The following HDAC3 variants were observed in gnomAD, a reference collection of about 807,000 sequenced individuals.
HDAC3 encodes histone deacetylase 3, also known as SMAP45.
In HDAC3, 21 loss-of-function variants were observed where a neutral mutation model predicts 62.3. That is an observed-to-expected ratio of 0.34 (90% CI 0.24 to 0.49). The LOEUF (loss-of-function observed/expected upper bound fraction) is 0.49. Among genes scored for constraint, HDAC3 ranks in the 20% least tolerant of loss-of-function variants. The pLI, the probability that HDAC3 is intolerant of heterozygous loss-of-function variation, is 0.99. For missense variants in HDAC3, 270 were observed against 556.9 expected (o/e 0.48, Z 5.19); for synonymous variants, 198 against 206.5 (o/e 0.96, Z 0.35).
At chr5:141,633,825 C>CAAAAA (rs11291105) in intron 3 of HDAC3, among the ~76,000 whole-genome samples, 7 of 74,004 alleles carry the variant, frequency 9.5e-5, no homozygotes, top group Non-Finnish European at 1.6e-4. Flanking sequence ...GACTCTGTCT[C>CAAAAA]AAAAAAAAAA....
chr5:141,634,651 A>G (rs2099905715), intron 3 of HDAC3, among the ~76,000 whole-genome samples, 160 bp downstream of exon 3: 1 of 152,228 alleles, frequency 6.6e-6, no homozygotes, highest in African/African-American at 2.4e-5. Flanking sequence ...GCCTGCCTAG[A>G]ACAAGTGACC....
intron 3 of HDAC3, among the ~76,000 whole-genome samples, chr5:141,632,863 TG>T (rs2099905424): frequency 6.6e-6 from 1 of 152,186 alleles, no homozygotes; most frequent in Admixed American, 6.5e-5. Context: ...AAGGTGCCAA[TG>T]CCAGCCTAAT....
At position 141,628,349 on chromosome 5, in the gene HDAC3, T is replaced by A; in HGVS notation, c.692-162A>T. On this transcript the variant is annotated intron_variant, in intron 8 of 14. Coordinates refer to ENST00000305264, the MANE Select transcript of HDAC3 (RefSeq NM_003883.4). This position sits in a 1 kb window ranked among gnomAD's most constrained non-coding sequence, Gnocchi z 4.7. ...TTCTGGAAGGGATCCCAGACTGCTA[T>A]GAGTGACTGATGAAAGCCAATGACT... 2 of 725,474 alleles carry A rather than the reference T, an allele frequency of 2.8e-6. No homozygotes were observed. The highest frequency in any genetic ancestry group is 2.7e-5 in the East Asian group (1 of 37,344). The allele number at this position is 725,474 out of a possible 1,614,324, so 44.9% of individuals were successfully genotyped here. A position where few individuals can be genotyped will look rare whatever the true frequency, so the allele number is the denominator to read the frequency against.
chr5:141,622,994 C>A (rs1596431536), intron 14 of HDAC3, among the ~76,000 whole-genome samples: 1 of 151,946 alleles, frequency 6.6e-6, no homozygotes, highest in African/African-American at 2.4e-5. Context: ...CGTGGAGGCT[C>A]ATGCCTGTAA....
intron 3 of HDAC3, among the ~76,000 whole-genome samples, chr5:141,631,342 T>C (rs1383460361): frequency 6.6e-6 from 1 of 152,204 alleles, no homozygotes; most frequent in East Asian, 1.9e-4. Flanking sequence ...GAATTAGTGA[T>C]TAATACCAGA....
rs765403659 is a variant in HDAC3, at chr5:141,629,789, C to T, written c.421-50G>A. On this transcript the variant is annotated intron_variant, in intron 5 of 14. Transcript: ENST00000305264. This position sits in a 1 kb window ranked among gnomAD's most constrained non-coding sequence, Gnocchi z 5.3. The stretch of plus-strand genomic sequence containing the variant: ...AAGAGAAGAGCAATTCCCCTCCCAG[C>T]TGCCCCCCACCATCATCCTAAACAC... The T allele has an allele frequency of 6.2e-7, 1 of 1,611,572 alleles. No individual in the cohort carries two copies. The highest frequency in any genetic ancestry group is 8.5e-7 in the Non-Finnish European group (1 of 1,177,644).
chr5:141,629,507 T>C lies in HDAC3; in HGVS notation c.476+177A>G. ...CAGGAGAGGGATATGCAGAGAAGGC[T>C]GAAATGTGAGCAGGCAGTAGGGAAT... On this transcript the variant is annotated intron_variant, in intron 6 of 14. Coordinates refer to ENST00000305264, the MANE Select transcript of HDAC3 (RefSeq NM_003883.4). This position sits in a 1 kb window ranked among gnomAD's most constrained non-coding sequence, Gnocchi z 5.3. 3.3e-6 allele frequency: 3 copies of C among 900,346 alleles called. No homozygotes were observed. In the East Asian group the frequency reaches 7.5e-5, roughly 22 times the overall value. The allele number at this position is 900,346 out of a possible 1,614,324, so 55.8% of individuals were successfully genotyped here. A position where few individuals can be genotyped will look rare whatever the true frequency, so the allele number is the denominator to read the frequency against.
chr5:141,636,488 T>G (rs953561314), intron 2 of HDAC3, 60 bp downstream of exon 2: 13 of 1,494,058 alleles, frequency 8.7e-6, no homozygotes, highest in Non-Finnish European at 8.4e-6. Context: ...CCAGCCCACC[T>G]ATCCCTACGG....
Position 141,629,872 on chromosome 5 carries a change from G to A in HDAC3, c.408C>T (p.Ala136=). The A allele has an allele frequency of 6.2e-7, 1 of 1,614,086 alleles. No homozygotes were observed. ...AINWAGGLHH[A]KKFEASGFCY... is the part of the protein sequence containing the mutation. ...CCTCCTCACTCACCTCAAACTTCTT[G>A]GCATGGTGCAGACCACCAGCCCAGT... Residue 136 remains alanine (A), a synonymous_variant, in exon 5 of 15, where the codon GCC becomes GCT. Coordinates refer to ENST00000305264, the MANE Select transcript of HDAC3 (RefSeq NM_003883.4). The surrounding 1 kb of genome is among the most constrained non-coding windows in gnomAD (Gnocchi z 5.3).
rs548636744 is a variant in HDAC3 at position 141,636,818 on chromosome 5, T to A, written c.-28A>T. On this transcript the variant is annotated 5_prime_UTR_variant, in exon 1 of 15. Transcript: ENST00000305264. ...TGCCGGCGGGAGCAGGCCCCGCACC[T>A]CCGCCGCCCGCCGCCCGCGGCCGCC... The A allele has an allele frequency of 6.7e-7, 1 of 1,498,174 alleles. No individual in the cohort carries two copies. The highest frequency in any genetic ancestry group is 2.4e-5 in the Admixed American group (1 of 41,262). The allele number at this position is 1,498,174 out of a possible 1,614,324, so 92.8% of individuals were successfully genotyped here.
In HDAC3 at chr5:141,627,804, T is replaced by C. The variant is rs991296587; in HGVS notation, c.830+89A>G. On this transcript the variant is annotated intron_variant, in intron 10 of 14. Coordinates refer to ENST00000305264, the MANE Select transcript of HDAC3 (RefSeq NM_003883.4). The stretch of plus-strand genomic sequence containing the variant: ...GCTATTTTTGATTTCCAAGAAGAGG[T>C]GAGGCCCATTCCCCAACTACCCCCA... 5.6e-6 allele frequency: 6 copies of C among 1,063,084 alleles called. No homozygotes were observed. In the African/African-American group the frequency reaches 7.8e-5, roughly 14 times the overall value. 65.9% of individuals were successfully genotyped at this position (1,063,084 alleles called of 1,614,324 possible). A position where few individuals can be genotyped will look rare whatever the true frequency, so the allele number is the denominator to read the frequency against.
In HDAC3 at chr5:141,636,817, C is replaced by A. The variant is rs376196465; in HGVS notation, c.-27G>T. On this transcript the variant is annotated 5_prime_UTR_variant, in exon 1 of 15. In the 5' UTR this introduces an upstream ATG that the reference lacks. Transcript: ENST00000305264. Reference sequence around the variant, plus strand: ...GTGCCGGCGGGAGCAGGCCCCGCACCTCCGCCGCCCGCCGCCCGCGGCCGC... The same window carrying A: ...GTGCCGGCGGGAGCAGGCCCCGCACATCCGCCGCCCGCCGCCCGCGGCCGC... 5.5e-5 allele frequency: 83 copies of A among 1,501,372 alleles called. No homozygotes were observed. Among genetic ancestry groups the A allele is most frequent in the Non-Finnish European group, 6.6e-5 (75 of 1,130,722 alleles). The allele number at this position is 1,501,372 out of a possible 1,614,324, so 93.0% of individuals were successfully genotyped here.
chr5:141,636,441 G>T, intron 2 of HDAC3, 107 bp downstream of exon 2: 1 of 970,564 alleles, frequency 1.0e-6, no homozygotes, highest in Non-Finnish European at 1.6e-6. Flanking sequence ...CCAGCTCCCC[G>T]ATACTCTAGG....
At position 141,621,442 on chromosome 5, in the gene HDAC3, T is replaced by C. The variant is rs201211872; in HGVS notation, c.*26A>G. 1 of 1,608,380 alleles carries C rather than the reference T, an allele frequency of 6.2e-7. No individual in the cohort carries two copies. Among genetic ancestry groups the C allele is most frequent in the East Asian group, 2.2e-5 (1 of 44,826 alleles). On this transcript the variant is annotated 3_prime_UTR_variant, in exon 15 of 15. Transcript: ENST00000305264. ...CAACCAAGAGGTGAAAAGAAATTCC[T>C]TGGGACACAGCATCCCAAGCCACTC...
intron 14 of HDAC3, among the ~76,000 whole-genome samples, chr5:141,623,711 G>T (rs1455975313): frequency 6.6e-6 from 1 of 152,100 alleles, no homozygotes. Flanking sequence ...CCAGAGGAGA[G>T]ATTCGGAGGC....
At position 141,636,455 on chromosome 5, in the gene HDAC3, G is replaced by C. The variant is rs907061304; in HGVS notation, c.138+93C>G. On this transcript the variant is annotated intron_variant, in intron 2 of 14. Transcript: ENST00000305264. ...TCCAGCTCCCCGATACTCTAGGGGC[G>C]GGTCGCACTTCATGCACTCAGTCCA... 174 of 1,081,122 alleles carry C rather than the reference G, an allele frequency of 1.6e-4. 2 individuals are homozygous for C. In the South Asian group the frequency reaches 2.1e-3, roughly 13 times the overall value. 67.0% of individuals were successfully genotyped at this position (1,081,122 alleles called of 1,614,324 possible).
At chr5:141,623,048 G>A (rs1456152242) in intron 14 of HDAC3, among the ~76,000 whole-genome samples, 1 of 152,014 alleles carries the variant, frequency 6.6e-6, no homozygotes, top group African/African-American at 2.4e-5. Flanking sequence ...GCTTGAACCC[G>A]GGAGGCAGAG....
intron 3 of HDAC3, among the ~76,000 whole-genome samples, chr5:141,632,969 GCCC>G (rs2099905443): frequency 6.6e-6 from 1 of 152,142 alleles, no homozygotes. Flanking sequence ...TCTGGATCAT[GCCC>G]CCTCCAATGA....
At chr5:141,635,854 C>G (rs1290928836) in intron 2 of HDAC3, 4 of 152,298 alleles carry the variant, frequency 2.6e-5, no homozygotes, top group Non-Finnish European at 5.9e-5. Context: ...CGATCCCCCC[C>G]ATTTCAACCT....
Sources: allele counts gnomAD v4.1 joint callset (sites outside exome capture counted in the v4.1 genomes callset), GRCh38; gene constraint gnomAD v4.1.1; non-coding constraint Gnocchi (gnomAD v3.1); transcripts MANE v1.5; gene names NCBI Gene and HGNC (gene_info 2026-07-23, HGNC 2026-07-21).